Variants in SYNDIG1 observed in about 807,000 individuals in gnomAD.
SYNDIG1 encodes synapse differentiation inducing 1, also known as synapse differentiation-inducing gene protein 1.
In SYNDIG1, 9 loss-of-function variants were observed where a neutral mutation model predicts 19.4. That is an observed-to-expected ratio of 0.46 (90% CI 0.28 to 0.81). SYNDIG1 has a LOEUF of 0.81. Ranked by LOEUF, SYNDIG1 falls within the 30% of genes least tolerant of loss-of-function variation. The pLI is 0.12. For synonymous variants in SYNDIG1, 141 were observed against 145.9 expected (o/e 0.97, Z 0.24); for missense variants, 311 against 343.3 (o/e 0.91, Z 0.74).
At chr20:24,529,160 A>G (rs2057188743) in intron 1 of SYNDIG1, among the ~76,000 whole-genome samples, 1 of 152,228 alleles carries the variant, frequency 6.6e-6, no homozygotes, top group African/African-American at 2.4e-5. Flanking sequence ...CACATTCACA[A>G]TCTTATCAGT....
intron 3 of SYNDIG1, among the ~76,000 whole-genome samples, chr20:24,607,881 C>T (rs944020057): frequency 1.3e-5 from 2 of 152,166 alleles, no homozygotes; most frequent in Admixed American, 6.5e-5. Context: ...CCGAAGGTAA[C>T]GTTAATGCAT....
At chr20:24,661,588 G>GGA (rs2059603907) in intron 3 of SYNDIG1, among the ~76,000 whole-genome samples, 1 of 129,378 alleles carries the variant, frequency 7.7e-6, no homozygotes, top group African/African-American at 2.9e-5. Context: ...GGAGGGAGAT[G>GGA]GGAATAAAAA....
chr20:24,525,698 A>G (rs949434219), intron 1 of SYNDIG1, among the ~76,000 whole-genome samples: 1 of 152,140 alleles, frequency 6.6e-6, no homozygotes, highest in Non-Finnish European at 1.5e-5. Flanking sequence ...TGCCTAGAAG[A>G]ATTTGTATTC....
intron 1 of SYNDIG1, among the ~76,000 whole-genome samples, chr20:24,475,183 A>G (rs1431231617): frequency 6.6e-6 from 1 of 152,220 alleles, no homozygotes; most frequent in African/African-American, 2.4e-5. Flanking sequence ...GCAGGAGTTT[A>G]TTCCTGAAGA....
chr20:24,618,861 G>A (rs757615494), intron 3 of SYNDIG1, among the ~76,000 whole-genome samples: 61 of 151,676 alleles, frequency 4.0e-4, no homozygotes, highest in Middle Eastern at 3.4e-3. Context: ...GGTGGTTGTT[G>A]TTGTTTCAGA....
chr20:24,538,562 TGGCA>T (rs1203887469), intron 1 of SYNDIG1, among the ~76,000 whole-genome samples: 5 of 152,216 alleles, frequency 3.3e-5, no homozygotes, highest in African/African-American at 1.2e-4. Flanking sequence ...GCTATGAACA[TGGCA>T]TGCAAGTATC....
intron 3 of SYNDIG1, among the ~76,000 whole-genome samples, chr20:24,647,363 G>A (rs549070955): frequency 4.6e-5 from 7 of 152,228 alleles, no homozygotes; most frequent in South Asian, 2.1e-4. Flanking sequence ...CGGCAGAATC[G>A]GGGGAATCTG....
intron 3 of SYNDIG1, among the ~76,000 whole-genome samples, chr20:24,613,449 C>G (rs1338715622): frequency 6.6e-6 from 1 of 152,182 alleles, no homozygotes; most frequent in East Asian, 1.9e-4. Context: ...TTCCATGACA[C>G]AGACCTGCCC....
intron 2 of SYNDIG1, among the ~76,000 whole-genome samples, chr20:24,565,031 T>C (rs929352405): frequency 1.1e-4 from 17 of 152,194 alleles, no homozygotes; most frequent in African/African-American, 4.1e-4. Context: ...CCTGCTATTG[T>C]TCACTGGTGT....
chr20:24,498,994 C>T (rs888041382), intron 1 of SYNDIG1, among the ~76,000 whole-genome samples: 15 of 152,180 alleles, frequency 9.9e-5, no homozygotes, highest in African/African-American at 2.9e-4. Context: ...AGTAGACTCT[C>T]AGTAGGCACT....
intron 1 of SYNDIG1, among the ~76,000 whole-genome samples, chr20:24,514,132 T>C (rs2056810922): frequency 6.6e-6 from 1 of 152,060 alleles, no homozygotes; most frequent in African/African-American, 2.4e-5. Flanking sequence ...AAGCACTAAA[T>C]ATGGAAAGGA....
chr20:24,536,098 A>G (rs963917087), intron 1 of SYNDIG1, among the ~76,000 whole-genome samples: 6 of 152,210 alleles, frequency 3.9e-5, no homozygotes, highest in Non-Finnish European at 8.8e-5. Flanking sequence ...GGTTGAGATC[A>G]TGGCTGTGAT....
chr20:24,483,551 A>T (rs900966064), intron 1 of SYNDIG1, among the ~76,000 whole-genome samples: 2 of 151,990 alleles, frequency 1.3e-5, no homozygotes, highest in African/African-American at 4.8e-5. Context: ...TCCCCTGGGC[A>T]CCTCCCTGCC....
rs544871261 is a variant in SYNDIG1 at position 24,543,003 on chromosome 20, G to C, written c.-78-17G>C. On this transcript the variant is annotated splice_polypyrimidine_tract_variant and intron_variant, in intron 1 of 3. Coordinates refer to ENST00000376862, the MANE Select transcript of SYNDIG1 (RefSeq NM_024893.3). ...AGTGTGATTCTCTTGTCTCATCTCT[G>C]TTTTCTCCTCCTCCAGGAGAAATGG... 5.8e-5 allele frequency: 89 copies of C among 1,528,104 alleles called. No individual in the cohort carries two copies. The Middle Eastern group carries it at 6.5e-4, about 11-fold the overall frequency. 94.7% of individuals were successfully genotyped at this position (1,528,104 alleles called of 1,614,324 possible). A position where few individuals can be genotyped will look rare whatever the true frequency, so the allele number is the denominator to read the frequency against.
At chr20:24,496,096 C>T (rs1194559242) in intron 1 of SYNDIG1, among the ~76,000 whole-genome samples, 2 of 152,172 alleles carry the variant, frequency 1.3e-5, no homozygotes, top group Non-Finnish European at 2.9e-5. Flanking sequence ...CAGCCCGCCT[C>T]GGCCTCCCAA....
chr20:24,509,516 C>G (rs1403150934), intron 1 of SYNDIG1, among the ~76,000 whole-genome samples: 2 of 152,104 alleles, frequency 1.3e-5, no homozygotes, highest in East Asian at 3.9e-4. Context: ...GTTAGTTTTG[C>G]TGTTGTTTTC....
At chr20:24,548,712 G>GT (rs1472533529) in intron 2 of SYNDIG1, among the ~76,000 whole-genome samples, 5 of 152,176 alleles carry the variant, frequency 3.3e-5, no homozygotes. Context: ...TCATTTGTTT[G>GT]TTTACCTCAT....
chr20:24,573,937 T>C (rs1182464454), intron 2 of SYNDIG1, among the ~76,000 whole-genome samples: 1 of 152,174 alleles, frequency 6.6e-6, no homozygotes, highest in Admixed American at 6.5e-5. Flanking sequence ...GCCTGAACTT[T>C]CTCTGGAGAC....
intron 1 of SYNDIG1, among the ~76,000 whole-genome samples, chr20:24,502,687 G>T (rs965562218): frequency 3.3e-5 from 5 of 152,178 alleles, no homozygotes; most frequent in Non-Finnish European, 5.9e-5. Context: ...TCAAATCTTT[G>T]TTAAGAACAT....
Sources: gnomAD v4.1 joint callset for allele counts (sites outside exome capture counted in the v4.1 genomes callset) on GRCh38, gnomAD v4.1.1 for gene constraint, MANE v1.5 for transcripts, NCBI Gene and HGNC (gene_info 2026-07-23, HGNC 2026-07-21) for gene names.